Variants in NEDD4 observed in about 807,000 individuals in gnomAD.
The protein encoded by NEDD4 is E3 ubiquitin-protein ligase NEDD4.
NEDD4 carries 99 observed loss-of-function variants against 144.9 expected under a neutral mutation model. The observed-to-expected ratio is 0.68, with a 90% confidence interval of 0.58 to 0.81. The LOEUF is 0.81. Among genes scored for constraint, NEDD4 ranks in the 30% least tolerant of loss-of-function variants. The probability of loss-of-function intolerance (pLI) is 0.00; values close to 1 mark genes in which losing one functional copy is unlikely to be tolerated. For missense variants in NEDD4, 985 were observed against 1,065.9 expected, an observed-to-expected ratio of 0.92 and a Z score of 1.06; for synonymous variants, 318 against 350.6, an observed-to-expected ratio of 0.91 and a Z score of 1.04.
chr15:55,848,947 C>A (rs1384534818), intron 14 of NEDD4, 61 bp from the exon 15 acceptor site: 4 of 1,309,098 alleles, frequency 3.1e-6, no homozygotes, highest in South Asian at 1.2e-5. Flanking sequence ...CAAAGTCAGT[C>A]TGTTACCATG....
chr15:55,936,105 G>T (rs1376185011), intron 4 of NEDD4, among the ~76,000 whole-genome samples: 2 of 152,130 alleles, frequency 1.3e-5, no homozygotes, highest in African/African-American at 4.8e-5. Flanking sequence ...ATAACTTGAA[G>T]CTAAAAGCAT....
chr15:55,872,914 G>GT (rs1424339969), intron 6 of NEDD4, among the ~76,000 whole-genome samples: 1 of 142,880 alleles, frequency 7.0e-6, no homozygotes, highest in East Asian at 2.0e-4. Flanking sequence ...CCTGCACCCT[G>GT]TTTAAAAAAA....
chr15:55,914,328 T>C (rs2036366337), intron 5 of NEDD4, among the ~76,000 whole-genome samples: 1 of 151,832 alleles, frequency 6.6e-6, no homozygotes, highest in African/African-American at 2.4e-5. Context: ...TTTTTTAAAT[T>C]TCCTGGAATC....
intron 8 of NEDD4, among the ~76,000 whole-genome samples, chr15:55,868,090 T>G (rs2034648266): frequency 6.6e-6 from 1 of 152,040 alleles, no homozygotes; most frequent in Admixed American, 6.6e-5. Flanking sequence ...CCTTCTATTA[T>G]TATAGATTCT....
chr15:55,886,638 G>C (rs2035399765), intron 5 of NEDD4, among the ~76,000 whole-genome samples: 1 of 151,688 alleles, frequency 6.6e-6, no homozygotes, highest in Admixed American at 6.6e-5. Flanking sequence ...CTGGTCTGTA[G>C]TCCCAGCTAC....
At chr15:55,943,228 T>G (rs528962687) in intron 4 of NEDD4, among the ~76,000 whole-genome samples, 2 of 152,320 alleles carry the variant, frequency 1.3e-5, no homozygotes, top group South Asian at 4.1e-4. Flanking sequence ...AGCCTGATCA[T>G]GTGGTAGAAA....
intron 6 of NEDD4, among the ~76,000 whole-genome samples, chr15:55,872,720 G>T (rs2034847090): frequency 6.6e-6 from 1 of 152,138 alleles, no homozygotes; most frequent in South Asian, 2.1e-4. Flanking sequence ...CAAAGGGAGG[G>T]CAGAAGAGAA....
At chr15:55,836,674 C>A (rs564523900) in intron 24 of NEDD4, among the ~76,000 whole-genome samples, 1 of 152,014 alleles carries the variant, frequency 6.6e-6, no homozygotes. Context: ...TGCACGTGCA[C>A]GCCACCACGT....
chr15:55,959,982 C>T (rs1210052911), intron 2 of NEDD4, among the ~76,000 whole-genome samples: 1 of 152,126 alleles, frequency 6.6e-6, no homozygotes, highest in Admixed American at 6.6e-5. Context: ...TCTTAGTCAC[C>T]CTTAGCACAG....
chr15:55,849,769 C>T (rs983348090), intron 14 of NEDD4, among the ~76,000 whole-genome samples: 1 of 150,238 alleles, frequency 6.7e-6, no homozygotes, highest in African/African-American at 2.4e-5. Flanking sequence ...AAAATATATT[C>T]ATCTGCTGCT....
intron 5 of NEDD4, among the ~76,000 whole-genome samples, chr15:55,911,294 A>G (rs1392974824): frequency 6.6e-6 from 1 of 151,966 alleles, no homozygotes; most frequent in Non-Finnish European, 1.5e-5. Context: ...GATAGCCCCC[A>G]CTACAAAAGT....
At chr15:55,985,486 G>A (rs1382448543) in intron 1 of NEDD4, among the ~76,000 whole-genome samples, 3 of 152,200 alleles carry the variant, frequency 2.0e-5, no homozygotes, top group African/African-American at 7.2e-5. Flanking sequence ...ATCCAAGGAT[G>A]TGAAGAGCTG....
rs77197184 is a variant in NEDD4 at position 55,921,966 on chromosome 15, C to T, written c.291+2680G>A. On this transcript the variant is annotated intron_variant, in intron 5 of 28. Transcript: ENST00000435532. ...CTCCTTGTGGACAACATGCAAATAA[C>T]GCAAATAAAATAGTTCACCAATAAT... Among the ~76,000 whole-genome samples the T allele has an allele frequency of 4.4e-3, 677 of 152,226 alleles. 5 individuals are homozygous for T. The highest frequency in any genetic ancestry group is 8.0e-3 in the Admixed American group (122 of 15,294).
At chr15:55,954,774 T>C (rs2037307490) in intron 2 of NEDD4, among the ~76,000 whole-genome samples, 2 of 152,238 alleles carry the variant, frequency 1.3e-5, no homozygotes, top group Non-Finnish European at 2.9e-5. Context: ...TCCACCTGCC[T>C]TGGCCTCCCA....
chr15:55,870,848 A>G (rs2034766980), intron 7 of NEDD4, among the ~76,000 whole-genome samples: 1 of 151,986 alleles, frequency 6.6e-6, no homozygotes. Flanking sequence ...GCTTAATTCT[A>G]TTGTCCTCAT....
intron 2 of NEDD4, among the ~76,000 whole-genome samples, chr15:55,956,275 G>A (rs113868691): frequency 3.1e-3 from 470 of 152,158 alleles, no homozygotes; most frequent in Non-Finnish European, 4.7e-3. Context: ...TGCATTTTCC[G>A]TAACCTTGTT....
At chr15:55,938,070 A>T (rs180702487) in intron 4 of NEDD4, among the ~76,000 whole-genome samples, 1 of 152,258 alleles carries the variant, frequency 6.6e-6, no homozygotes, top group East Asian at 1.9e-4. Context: ...AGTCTCTTCA[A>T]CAAATGGTGG....
chr15:55,977,195 A>C (rs1370981737), intron 1 of NEDD4, among the ~76,000 whole-genome samples: 1 of 152,232 alleles, frequency 6.6e-6, no homozygotes, highest in Non-Finnish European at 1.5e-5. Context: ...TATTTTGGCC[A>C]ATGATGGACA....
At chr15:55,846,797 T>C (rs2033765345) in intron 18 of NEDD4, among the ~76,000 whole-genome samples, 172 bp downstream of exon 18, 1 of 152,212 alleles carries the variant, frequency 6.6e-6, no homozygotes, top group African/African-American at 2.4e-5. Context: ...CTAATTATGG[T>C]CTGTAGTGAT....
Sources: gnomAD v4.1 joint callset for allele counts (sites outside exome capture counted in the v4.1 genomes callset) on GRCh38, gnomAD v4.1.1 for gene constraint, MANE v1.5 for transcripts, NCBI Gene and HGNC (gene_info 2026-07-23, HGNC 2026-07-21) for gene names.